The following ATP5MG variants were observed in gnomAD, a reference collection of about 807,000 sequenced individuals.
ATP5MG encodes ATP synthase F(0) complex subunit g, mitochondrial.
ATP5MG carries 7 observed loss-of-function variants against 12.7 expected under a neutral mutation model. The ratio of observed to expected loss-of-function variants is 0.55; its 90% confidence interval spans 0.31 to 1.04. ATP5MG has a LOEUF of 1.04. Ranked by LOEUF, ATP5MG falls within the 50% of genes least tolerant of loss-of-function variation. ATP5MG has a pLI of 0.05. For missense variants in ATP5MG, 116 were observed against 126.7 expected (o/e 0.92, Z 0.41); for synonymous variants, 53 against 48.2 (o/e 1.10, Z -0.41).
intron 1 of ATP5MG, chr11:118,405,556 A>G (rs968634632): frequency 1.7e-6 from 1 of 588,102 alleles, no homozygotes; most frequent in Admixed American, 6.5e-5. Flanking sequence ...ATACTGATTC[A>G]TTTTTTTTTT....
chr11:118,406,871 A>T, intron 1 of ATP5MG, 66 bp from the exon 2 acceptor site: 1 of 1,539,576 alleles, frequency 6.5e-7, no homozygotes, highest in Non-Finnish European at 8.7e-7. Flanking sequence ...CAGCCCACAC[A>T]TCTGCTTCTT....
Position 118,401,716 on chromosome 11 carries a change from C to T in ATP5MG, c.51C>T (p.Asn17=). The T allele has an allele frequency of 6.2e-7, 1 of 1,612,820 alleles. No homozygotes were observed. The change falls in exon 1 of 3, where the codon AAC becomes AAT. Residue 17 remains asparagine (N), a splice_region_variant and synonymous_variant. Transcript: ENST00000300688. Reference sequence around the variant, plus strand: ...TGGAGAAGACCCCGGCGCTGGTGAACGGTGAGCGCGATGTGAGACCGCCGA... The same window carrying T: ...TGGAGAAGACCCCGGCGCTGGTGAATGGTGAGCGCGATGTGAGACCGCCGA... The part of the protein sequence containing the change: ...NLVEKTPALV[N]AAVTYSKPRL...
intron 1 of ATP5MG, chr11:118,401,979 G>T (rs1283553810): frequency 3.2e-5 from 14 of 437,900 alleles, no homozygotes; most frequent in Non-Finnish European, 5.7e-5. Context: ...TGTGAAGGAA[G>T]CCCGGCGTTG....
At chr11:118,407,134 A>G in intron 2 of ATP5MG, 37 bp downstream of exon 2, 1 of 1,611,892 alleles carries the variant, frequency 6.2e-7, no homozygotes, top group Non-Finnish European at 8.5e-7. Context: ...TGTGCATAAC[A>G]GAAAATGTCT....
intron 1 of ATP5MG, among the ~76,000 whole-genome samples, chr11:118,402,214 C>G (rs1327901689): frequency 6.6e-6 from 1 of 152,076 alleles, no homozygotes; most frequent in African/African-American, 2.4e-5. Context: ...CTGTCCTAGA[C>G]GGATTCTAAG....
At chr11:118,403,638 CAG>C (rs1555131579) in intron 1 of ATP5MG, among the ~76,000 whole-genome samples, 1 of 151,730 alleles carries the variant, frequency 6.6e-6, no homozygotes, top group Non-Finnish European at 1.5e-5. Flanking sequence ...TCTACTAAAA[CAG>C]AAATTAGCCG....
intron 1 of ATP5MG, among the ~76,000 whole-genome samples, chr11:118,405,097 C>T (rs1555131875): frequency 6.6e-6 from 1 of 152,152 alleles, no homozygotes; most frequent in African/African-American, 2.4e-5. Context: ...CTCCAAGGAA[C>T]CTTAGTTCCT....
At chr11:118,403,603 C>T (rs1294431129) in intron 1 of ATP5MG, among the ~76,000 whole-genome samples, 1 of 152,038 alleles carries the variant, frequency 6.6e-6, no homozygotes, top group Non-Finnish European at 1.5e-5. Flanking sequence ...AGACACCAGC[C>T]TCACTAATAT....
At chr11:118,408,951 TTATATATA>T in intron 2 of ATP5MG, 41 bp from the exon 3 acceptor site, 2 of 452,056 alleles carry the variant, frequency 4.4e-6, no homozygotes, top group Non-Finnish European at 7.0e-6. Context: ...ATATATATAA[TTATATATA>T]TATATAAAAG....
At chr11:118,402,190 G>A (rs988450675) in intron 1 of ATP5MG, among the ~76,000 whole-genome samples, 27 of 152,154 alleles carry the variant, frequency 1.8e-4, no homozygotes, top group Non-Finnish European at 3.5e-4. Flanking sequence ...TTTTTTGAAC[G>A]TTGACTTTGC....
At chr11:118,406,908 TTTTTG>T (rs781889135) in intron 1 of ATP5MG, 24 bp from the exon 2 acceptor site, 74 of 1,562,946 alleles carry the variant, frequency 4.7e-5, no homozygotes, top group South Asian at 5.9e-5. Flanking sequence ...TCATCCTGGT[TTTTTG>T]TTTTGTTTTG....
chr11:118,403,567 AG>A, intron 1 of ATP5MG, among the ~76,000 whole-genome samples: 1 of 152,170 alleles, frequency 6.6e-6, no homozygotes. Context: ...AGGCCAAGGC[AG>A]GTGGATTACC....
chr11:118,401,866 T>C, intron 1 of ATP5MG, 149 bp downstream of exon 1: 1 of 899,204 alleles, frequency 1.1e-6, no homozygotes. Context: ...AGGAAGCAGG[T>C]TGGCGACTCT....
intron 1 of ATP5MG, among the ~76,000 whole-genome samples, chr11:118,403,526 T>G (rs148247831): frequency 0.019 from 2,779 of 149,998 alleles, 42 homozygotes; most frequent in Non-Finnish European, 0.029. Context: ...CTGGACACTG[T>G]GGCTCACGCC....
At chr11:118,403,033 A>G (rs1948942533) in intron 1 of ATP5MG, among the ~76,000 whole-genome samples, 1 of 151,986 alleles carries the variant, frequency 6.6e-6, no homozygotes, top group Admixed American at 6.6e-5. Flanking sequence ...CCTTCCCTCC[A>G]TCACCAGCCA....
chr11:118,401,873 C>G, intron 1 of ATP5MG, 156 bp downstream of exon 1: 1 of 846,088 alleles, frequency 1.2e-6, no homozygotes, highest in South Asian at 1.8e-5. Flanking sequence ...AGGTTGGCGA[C>G]TCTTTTCTAG....
Position 118,403,238 on chromosome 11 carries a change from G to T in ATP5MG, c.52+1521G>T, listed in dbSNP as rs184108360. Among the ~76,000 whole-genome samples, 717 of 152,336 alleles carry T rather than the reference G, an allele frequency of 4.7e-3. 2 individuals are homozygous for T. The highest frequency in any genetic ancestry group is 0.016 in the African/African-American group (683 of 41,576). On this transcript the variant is annotated intron_variant, in intron 1 of 2. Transcript: ENST00000300688. ...GGCCCTGCGGCGGTAGCTTACGCCT[G>T]TAATCTCAGCACTTTGGGAGGCCAA... is the stretch of plus-strand genomic sequence containing the variant.
At chr11:118,404,201 A>C (rs1948953869) in intron 1 of ATP5MG, among the ~76,000 whole-genome samples, 1 of 152,240 alleles carries the variant, frequency 6.6e-6, no homozygotes. Context: ...TATATCTGTT[A>C]ATTCCCCTGG....
At chr11:118,404,406 G>A (rs74436855) in intron 1 of ATP5MG, among the ~76,000 whole-genome samples, 1,774 of 152,106 alleles carry the variant, frequency 0.012, 36 homozygotes, top group African/African-American at 0.041. Context: ...AATCTCCTCT[G>A]GTCTGGGACA....
Sources: gnomAD v4.1 joint callset for allele counts (sites outside exome capture counted in the v4.1 genomes callset) on GRCh38, gnomAD v4.1.1 for gene constraint, MANE v1.5 for transcripts, NCBI Gene and HGNC (gene_info 2026-07-23, HGNC 2026-07-21) for gene names.